The following KCNMA1 variants were observed in gnomAD, a reference collection of about 807,000 sequenced individuals.
KCNMA1 encodes potassium calcium-activated channel subfamily M alpha 1.
In KCNMA1, 29 loss-of-function variants were observed where a neutral mutation model predicts 140.0. That is an observed-to-expected ratio of 0.21 (90% CI 0.15 to 0.28). The LOEUF is 0.28. Ranked by LOEUF, KCNMA1 falls within the 10% of genes least tolerant of loss-of-function variation. The pLI is 1.00. For missense variants in KCNMA1, 880 were observed against 1,602.2 expected (o/e 0.55, Z 7.70); for synonymous variants, 612 against 611.9 (o/e 1.00, Z 0.00).
At chr10:77,486,058 G>A (rs2098456869) in intron 1 of KCNMA1, among the ~76,000 whole-genome samples, 1 of 152,164 alleles carries the variant, frequency 6.6e-6, no homozygotes, top group Non-Finnish European at 1.5e-5. Flanking sequence ...GCTCACTAGG[G>A]TGTTGCAATC....
chr10:77,600,303 T>C (rs1216072346), intron 1 of KCNMA1, among the ~76,000 whole-genome samples: 3 of 152,118 alleles, frequency 2.0e-5, no homozygotes, highest in African/African-American at 2.4e-5. Flanking sequence ...ATCAGACCTA[T>C]CAAAAGGTAA....
chr10:77,226,649 G>T (rs1170724871), intron 3 of KCNMA1, among the ~76,000 whole-genome samples: 2 of 152,132 alleles, frequency 1.3e-5, no homozygotes, highest in African/African-American at 4.8e-5. Flanking sequence ...CCTTCCCAGG[G>T]AGAAAAGAAC....
rs1233991520 is a variant in KCNMA1 at position 77,636,361 on chromosome 10, C to T, written c.378+904G>A. 6.5e-6 allele frequency: 10 copies of T among 1,532,478 alleles called. No homozygotes were observed. The South Asian group carries it at 1.2e-4, about 18-fold the overall frequency. The allele number at this position is 1,532,478 out of a possible 1,614,324, so 94.9% of individuals were successfully genotyped here. Reference sequence around the variant, plus strand: ...ATCGAAGGTGTCGCCAGCCTCAGTGCCGGTGGGCGTCTGCACCAGGAATAG... The same window carrying T: ...ATCGAAGGTGTCGCCAGCCTCAGTGTCGGTGGGCGTCTGCACCAGGAATAG... On this transcript the variant is annotated intron_variant, in intron 1 of 27. Coordinates refer to ENST00000286628, the MANE Select transcript of KCNMA1 (RefSeq NM_001161352.2).
intron 2 of KCNMA1, among the ~76,000 whole-genome samples, chr10:77,383,943 G>A (rs906108468): frequency 2.0e-5 from 3 of 152,200 alleles, no homozygotes; most frequent in South Asian, 2.1e-4. Flanking sequence ...AGGCTTGTGC[G>A]TGCTCAGCCA....
chr10:77,022,449 C>T (rs943253046), intron 16 of KCNMA1, among the ~76,000 whole-genome samples: 1 of 152,202 alleles, frequency 6.6e-6, no homozygotes, highest in Non-Finnish European at 1.5e-5. Context: ...CATCCAGTGA[C>T]AGCTGGAAGC....
chr10:77,554,868 T>A (rs2063828824), intron 1 of KCNMA1, among the ~76,000 whole-genome samples: 1 of 151,974 alleles, frequency 6.6e-6, no homozygotes, highest in African/African-American at 2.4e-5. Context: ...CTGGGGGTCT[T>A]AGGGAAAGGG....
intron 2 of KCNMA1, among the ~76,000 whole-genome samples, chr10:77,332,937 T>C (rs2087068865): frequency 6.6e-6 from 1 of 152,258 alleles, no homozygotes; most frequent in African/African-American, 2.4e-5. Flanking sequence ...TTTCTAGTTC[T>C]AAAGGTGAAA....
intron 20 of KCNMA1, among the ~76,000 whole-genome samples, chr10:76,967,978 A>G (rs1039082968): frequency 2.0e-5 from 3 of 152,130 alleles, no homozygotes; most frequent in Admixed American, 1.3e-4. Context: ...AAAAACCCAC[A>G]GCCAATCTGT....
Position 77,306,657 on chromosome 10 carries a change from C to T in KCNMA1, c.541-55401G>A, listed in dbSNP as rs191291343. 6.2e-4 allele frequency among the ~76,000 whole-genome samples: 94 copies of T among 152,310 alleles called. No homozygotes were observed. In the South Asian group the frequency reaches 6.6e-3, roughly 11 times the overall value. On this transcript the variant is annotated intron_variant, in intron 2 of 27. Coordinates refer to ENST00000286628, the MANE Select transcript of KCNMA1 (RefSeq NM_001161352.2). ...AACCATCTTAGAAAGATTCTACCAG[C>T]CGCAGTTAGAAGAATGGATTTGACA... is the stretch of plus-strand genomic sequence containing the variant.
intron 5 of KCNMA1, among the ~76,000 whole-genome samples, chr10:77,165,944 C>T (rs1027924153): frequency 3.3e-5 from 5 of 152,200 alleles, no homozygotes; most frequent in African/African-American, 1.2e-4. Context: ...CGTCACAACA[C>T]ATTTTTCAGA....
intron 2 of KCNMA1, among the ~76,000 whole-genome samples, chr10:77,284,821 G>A (rs947454394): frequency 6.6e-6 from 1 of 152,064 alleles, no homozygotes; most frequent in Non-Finnish European, 1.5e-5. Context: ...ACGAGACTCT[G>A]TTAAGCTGAA....
intron 23 of KCNMA1, among the ~76,000 whole-genome samples, chr10:76,923,434 A>AG (rs1242116318): frequency 3.3e-3 from 492 of 150,820 alleles, no homozygotes; most frequent in Non-Finnish European, 5.5e-3. Context: ...GTCTCAAAAA[A>AG]AAAAAAAAAA....
rs781404437 is a variant in KCNMA1, at chr10:77,110,182, G to A, written c.1122C>T (p.Leu374=). 1.7e-5 allele frequency: 27 copies of A among 1,613,504 alleles called. No homozygotes were observed. The highest frequency in any genetic ancestry group is 1.5e-4 in the Admixed American group (9 of 60,000). The stretch of plus-strand genomic sequence containing the variant: ...AAAGATTTTTTTTTACCAGTCCCCC[G>A]AGGATGAAGAAGACCATGAAGAGGC... ...LGRLFMVFFI[L]GGLAMFASYV... The change falls in exon 8 of 28, where the codon CTC becomes CTT. Residue 374 remains leucine (L), a synonymous_variant. Transcript: ENST00000286628.
chr10:77,610,225 C>T (rs1440744931), intron 1 of KCNMA1, among the ~76,000 whole-genome samples: 1 of 152,214 alleles, frequency 6.6e-6, no homozygotes, highest in East Asian at 1.9e-4. Context: ...GTTCAGTGGT[C>T]TCATGGTGCC....
intron 2 of KCNMA1, among the ~76,000 whole-genome samples, chr10:77,345,924 AC>A (rs2092034918): frequency 6.6e-6 from 1 of 152,200 alleles, no homozygotes; most frequent in South Asian, 2.1e-4. Context: ...CACTTTTGCG[AC>A]TGCCAGATAA....
At chr10:77,252,668 A>G (rs1304248166) in intron 2 of KCNMA1, among the ~76,000 whole-genome samples, 1 of 152,130 alleles carries the variant, frequency 6.6e-6, no homozygotes, top group African/African-American at 2.4e-5. Context: ...GCTGACAGAA[A>G]ATGAAATCTG....
chr10:77,042,342 CTCTA>C (rs2094770870), intron 14 of KCNMA1, among the ~76,000 whole-genome samples: 1 of 152,168 alleles, frequency 6.6e-6, no homozygotes, highest in Non-Finnish European at 1.5e-5. Flanking sequence ...AGGTCACTAA[CTCTA>C]ACTAATTTGA....
chr10:77,046,444 C>T (rs550016261), intron 14 of KCNMA1, among the ~76,000 whole-genome samples: 1 of 152,238 alleles, frequency 6.6e-6, no homozygotes, highest in South Asian at 2.1e-4. Context: ...AACATGAAAT[C>T]AGAATTGATG....
chr10:77,626,782 T>C (rs11002224), intron 1 of KCNMA1, among the ~76,000 whole-genome samples: 2,588 of 152,266 alleles, frequency 0.017, 85 homozygotes, highest in African/African-American at 0.059. Context: ...TTTGAAGAGC[T>C]AAAATTTTCC....
Sources: allele counts gnomAD v4.1 joint callset (sites outside exome capture counted in the v4.1 genomes callset), GRCh38; gene constraint gnomAD v4.1.1; transcripts MANE v1.5; gene names NCBI Gene and HGNC (gene_info 2026-07-23, HGNC 2026-07-21).